Variants in CMIP observed in about 807,000 individuals in gnomAD.
CMIP encodes c-Maf inducing protein, also known as C-Maf-inducing protein.
In CMIP, 13 loss-of-function variants were observed where a neutral mutation model predicts 97.3. The ratio of observed to expected loss-of-function variants is 0.13; its 90% CI spans 0.09 to 0.21. The LOEUF (loss-of-function observed/expected upper bound fraction) is 0.21. CMIP is among the 10% of genes least tolerant of loss of function. The probability of loss-of-function intolerance (pLI) is 1.00; values close to 1 mark genes in which losing one functional copy is unlikely to be tolerated. For missense variants in CMIP, 847 were observed against 1,024.9 expected, an observed-to-expected ratio of 0.83 and a Z score of 2.37; for synonymous variants, 538 against 436.3, an observed-to-expected ratio of 1.23 and a Z score of -2.91.
At chr16:81,486,267 T>C (rs1292939390) in intron 1 of CMIP, among the ~76,000 whole-genome samples, 4 of 152,208 alleles carry the variant, frequency 2.6e-5, no homozygotes, top group African/African-American at 9.7e-5. Flanking sequence ...GTTGATGGAC[T>C]TAATTCAGAG....
At chr16:81,522,213 A>G (rs534814315) in intron 1 of CMIP, among the ~76,000 whole-genome samples, 1 of 152,298 alleles carries the variant, frequency 6.6e-6, no homozygotes, top group East Asian at 1.9e-4. Context: ...CCCATTGGCG[A>G]TCGATGATGT....
intron 1 of CMIP, among the ~76,000 whole-genome samples, chr16:81,451,896 C>G (rs1406771969): frequency 6.6e-6 from 1 of 152,240 alleles, no homozygotes; most frequent in Non-Finnish European, 1.5e-5. Flanking sequence ...TTGCTCCTGG[C>G]TCTGGTGATG....
chr16:81,641,167 T>C (rs1042633594), intron 3 of CMIP, among the ~76,000 whole-genome samples: 1 of 152,148 alleles, frequency 6.6e-6, no homozygotes, highest in Non-Finnish European at 1.5e-5. Context: ...AGGCAATTCC[T>C]GTGCACACGA....
At chr16:81,537,299 C>T (rs1174544285) in intron 1 of CMIP, among the ~76,000 whole-genome samples, 1 of 152,008 alleles carries the variant, frequency 6.6e-6, no homozygotes, top group Non-Finnish European at 1.5e-5. Context: ...CTTTGGGAGG[C>T]CGAGGTGGGC....
chr16:81,650,637 A>G (rs145816579), intron 3 of CMIP, among the ~76,000 whole-genome samples: 2 of 152,166 alleles, frequency 1.3e-5, no homozygotes, highest in African/African-American at 4.8e-5. Flanking sequence ...TTTACGTTTC[A>G]TCTCCTTCAG....
chr16:81,596,681 C>G (rs1174134882), intron 1 of CMIP, among the ~76,000 whole-genome samples: 1 of 152,120 alleles, frequency 6.6e-6, no homozygotes. Flanking sequence ...TGCCTTTTTC[C>G]AGCGCCATCC....
chr16:81,600,175 A>G (rs1161320448), intron 1 of CMIP, among the ~76,000 whole-genome samples: 1 of 146,644 alleles, frequency 6.8e-6, no homozygotes, highest in Non-Finnish European at 1.5e-5. Flanking sequence ...GCTACTCAGG[A>G]GGCTGAGGCA....
chr16:81,621,111 C>T lies in CMIP; in HGVS notation c.477+185C>T, dbSNP rs568205049. On this transcript the variant is annotated intron_variant, in intron 3 of 20. Transcript: ENST00000537098. The surrounding 1 kb of genome is among the most constrained non-coding windows in gnomAD (Gnocchi z 4.1). ...GTCCTCTGCTGTTCAATTCCTGTCC[C>T]CTGCAGTGCTGAAATAGCATTCTCG... 6.6e-6 allele frequency: 4 copies of T among 603,288 alleles called. No individual in the cohort carries two copies. The highest frequency in any genetic ancestry group is 1.2e-5 in the Non-Finnish European group (4 of 344,284). 37.4% of individuals were successfully genotyped at this position (603,288 alleles called of 1,614,324 possible).
At position 81,563,776 on chromosome 16, in the gene CMIP, C is replaced by T. The variant is rs115029687; in HGVS notation, c.301-43791C>T. Among the ~76,000 whole-genome samples, 27 of 152,322 alleles carry T rather than the reference C, an allele frequency of 1.8e-4. No individual in the cohort carries two copies. The East Asian group carries it at 4.8e-3, about 27-fold the overall frequency. On this transcript the variant is annotated intron_variant, in intron 1 of 20. Coordinates refer to ENST00000537098, the MANE Select transcript of CMIP (RefSeq NM_198390.3). ...CATGGTGCAGAGGTGCCCTGGGAGA[C>T]AGATCAATGTCTAGAAAAGCTTCTG...
At chr16:81,612,183 C>T (rs534998389) in intron 2 of CMIP, among the ~76,000 whole-genome samples, 25 of 152,282 alleles carry the variant, frequency 1.6e-4, no homozygotes, top group African/African-American at 5.1e-4. Flanking sequence ...TAAAGAGCAG[C>T]GCGGCGCAGA....
intron 7 of CMIP, among the ~76,000 whole-genome samples, chr16:81,668,715 G>C (rs2092638857): frequency 6.6e-6 from 1 of 152,140 alleles, no homozygotes; most frequent in Admixed American, 6.5e-5. Context: ...ACACGTGCCA[G>C]TGCCTCCCCT....
At chr16:81,678,823 A>G (rs539162432) in intron 10 of CMIP, among the ~76,000 whole-genome samples, 195 bp downstream of exon 10, 386 of 152,382 alleles carry the variant, frequency 2.5e-3, no homozygotes, top group Non-Finnish European at 3.3e-3. Flanking sequence ...ACAGGCATAC[A>G]GGGTGCATAT....
intron 5 of CMIP, 132 bp downstream of exon 5, chr16:81,657,948 C>G (rs1261709535): frequency 2.8e-6 from 2 of 719,948 alleles, no homozygotes; most frequent in East Asian, 5.7e-5. Context: ...TTTGTCTTTT[C>G]TAGCAAGCCG....
intron 3 of CMIP, among the ~76,000 whole-genome samples, chr16:81,629,156 A>AAAAAAAAAG (rs1379032515): frequency 6.0e-5 from 9 of 150,222 alleles, no homozygotes; most frequent in African/African-American, 2.2e-4. Context: ...AAAAAAAAAA[A>AAAAAAAAAG]AAAAAAAAAA....
intron 1 of CMIP, among the ~76,000 whole-genome samples, chr16:81,457,529 G>A (rs1235452812): frequency 6.6e-6 from 1 of 152,180 alleles, no homozygotes; most frequent in Non-Finnish European, 1.5e-5. Context: ...GCCTCCACCT[G>A]CCAGGTGCTG....
chr16:81,661,934 C>A (rs773792052), intron 6 of CMIP, among the ~76,000 whole-genome samples: 4 of 152,172 alleles, frequency 2.6e-5, no homozygotes, highest in Non-Finnish European at 5.9e-5. Flanking sequence ...TGACCCCCAC[C>A]CCCATCCTTA....
At chr16:81,601,138 C>T (rs571652788) in intron 1 of CMIP, among the ~76,000 whole-genome samples, 4 of 152,224 alleles carry the variant, frequency 2.6e-5, no homozygotes, top group Non-Finnish European at 4.4e-5. Flanking sequence ...CTGCTGTTTT[C>T]AACCCCATCC....
intron 1 of CMIP, among the ~76,000 whole-genome samples, chr16:81,579,609 GGCCCAGCCCT>G (rs1468396518): frequency 6.7e-6 from 1 of 148,694 alleles, no homozygotes; most frequent in African/African-American, 2.6e-5. Context: ...GAGGGGGCAT[GGCCCAGCCCT>G]GCTCCCCCCT....
chr16:81,563,566 G>A (rs545625627), intron 1 of CMIP, among the ~76,000 whole-genome samples: 3 of 152,296 alleles, frequency 2.0e-5, no homozygotes, highest in South Asian at 2.1e-4. Flanking sequence ...ACCCCCAGGC[G>A]ATACATGTGC....
Sources: gnomAD v4.1 joint callset for allele counts (sites outside exome capture counted in the v4.1 genomes callset) on GRCh38, gnomAD v4.1.1 for gene constraint, Gnocchi (gnomAD v3.1) non-coding constraint, MANE v1.5 for transcripts, NCBI Gene and HGNC (gene_info 2026-07-23, HGNC 2026-07-21) for gene names.